Variants in ADD3 observed in about 807,000 individuals in gnomAD.
The protein encoded by ADD3 is gamma-adducin.
In ADD3, 25 loss-of-function variants were observed where a neutral mutation model predicts 80.2. The ratio of observed to expected loss-of-function variants is 0.31; its 90% CI spans 0.23 to 0.44. ADD3 has a LOEUF of 0.44. Ranked by LOEUF, ADD3 falls within the 20% of genes least tolerant of loss-of-function variation. The pLI, the probability that ADD3 is intolerant of heterozygous loss-of-function variation, is 1.00. For missense variants in ADD3, 829 were observed against 847.5 expected, an observed-to-expected ratio of 0.98 and a Z score of 0.27; for synonymous variants, 284 against 289.6, an observed-to-expected ratio of 0.98 and a Z score of 0.20.
chr10:110,106,375 C>T (rs538277759), intron 2 of ADD3, among the ~76,000 whole-genome samples: 1 of 151,354 alleles, frequency 6.6e-6, no homozygotes, highest in African/African-American at 2.4e-5. Context: ...AATTGGTTCT[C>T]TTTTCTGTGA....
chr10:110,068,292 C>T (rs1476491959), intron 1 of ADD3, among the ~76,000 whole-genome samples: 1 of 152,154 alleles, frequency 6.6e-6, no homozygotes, highest in African/African-American at 2.4e-5. Context: ...TCCACCTCCC[C>T]CCCTCCTTTC....
At chr10:110,058,476 G>T (rs1403949234) in intron 1 of ADD3, among the ~76,000 whole-genome samples, 1 of 152,122 alleles carries the variant, frequency 6.6e-6, no homozygotes, top group Non-Finnish European at 1.5e-5. Context: ...TCTGATTGAC[G>T]AGATGGTGAC....
rs149475070 is a variant in ADD3 at position 110,069,001 on chromosome 10, C to T, written c.-29-31624C>T. Among the ~76,000 whole-genome samples the T allele has an allele frequency of 1.1e-4, 16 of 151,804 alleles. No individual in the cohort carries two copies. The South Asian group carries it at 2.7e-3, about 26-fold the overall frequency. On this transcript the variant is annotated intron_variant, in intron 1 of 14. Transcript: ENST00000356080. ...CTGAGCTGGGAGGATTATTTGAGCC[C>T]GGGGAGGTTGTGGCTGCAGTGAGCC...
intron 1 of ADD3, among the ~76,000 whole-genome samples, chr10:110,097,464 A>G (rs1848304130): frequency 6.6e-6 from 1 of 152,088 alleles, no homozygotes; most frequent in Non-Finnish European, 1.5e-5. Context: ...TTGTTTTGAA[A>G]TTATTTCAGA....
chr10:110,059,641 C>T lies in ADD3; in HGVS notation c.-29-40984C>T, dbSNP rs147505533. Among the ~76,000 whole-genome samples the T allele has an allele frequency of 4.4e-3, 668 of 150,178 alleles. 4 individuals carry two copies. The highest frequency in any genetic ancestry group is 0.015 in the African/African-American group (609 of 40,722). ...AAAATTAGCCGGGCGTGGTGGCTTG[C>T]GCCTGTAGTCCCAGCTACTCGGGAG... On this transcript the variant is annotated intron_variant, in intron 1 of 14. Coordinates refer to ENST00000356080, the MANE Select transcript of ADD3 (RefSeq NM_016824.5).
chr10:109,997,344 G>A (rs1851400590), intron 1 of ADD3, among the ~76,000 whole-genome samples: 1 of 152,168 alleles, frequency 6.6e-6, no homozygotes, highest in African/African-American at 2.4e-5. Context: ...GGTAAAAAAA[G>A]GCTCCAAAGG....
At chr10:110,030,229 A>C (rs749496981) in intron 1 of ADD3, among the ~76,000 whole-genome samples, 1 of 151,022 alleles carries the variant, frequency 6.6e-6, no homozygotes, top group Non-Finnish European at 1.5e-5. Flanking sequence ...AGGCTGAGGC[A>C]GGAGAATCAC....
chr10:110,052,319 G>A (rs111538337), intron 1 of ADD3, among the ~76,000 whole-genome samples: 291 of 152,268 alleles, frequency 1.9e-3, no homozygotes, highest in African/African-American at 6.8e-3. Context: ...CCTGCCAGGG[G>A]TTCCCATTCC....
At chr10:110,072,575 C>T (rs961941094) in intron 1 of ADD3, among the ~76,000 whole-genome samples, 4 of 152,068 alleles carry the variant, frequency 2.6e-5, no homozygotes, top group African/African-American at 4.8e-5. Flanking sequence ...TTTACAAATC[C>T]GTCTTTGCAG....
intron 13 of ADD3, among the ~76,000 whole-genome samples, chr10:110,131,431 G>A (rs899196970): frequency 1.3e-5 from 2 of 152,122 alleles, no homozygotes; most frequent in African/African-American, 4.8e-5. Context: ...TCAGGGTCAG[G>A]AACAAGCCTG....
chr10:110,025,927 G>GA (rs768631440), intron 1 of ADD3, among the ~76,000 whole-genome samples: 1,696 of 149,150 alleles, frequency 0.011, 9 homozygotes, highest in Middle Eastern at 0.041. Flanking sequence ...CCTTAAAAAA[G>GA]AAAAAAAAAA....
At chr10:110,126,731 G>A (rs1490008497) in intron 12 of ADD3, among the ~76,000 whole-genome samples, 2 of 152,164 alleles carry the variant, frequency 1.3e-5, no homozygotes, top group African/African-American at 4.8e-5. Context: ...AGTTAGTTGA[G>A]ATGAGGTCTC....
At chr10:110,076,524 G>GT (rs1210966029) in intron 1 of ADD3, among the ~76,000 whole-genome samples, 1 of 152,066 alleles carries the variant, frequency 6.6e-6, no homozygotes, top group African/African-American at 2.4e-5. Flanking sequence ...ATAATAAAAC[G>GT]TTTTTATTGT....
rs1355975966 is a variant in ADD3, at chr10:110,112,804, A to G, written c.223A>G (p.Ile75Val). The G allele has an allele frequency of 1.2e-6, 2 of 1,614,050 alleles. No homozygotes were observed. Among genetic ancestry groups the G allele is most frequent in the East Asian group, 4.5e-5 (2 of 44,872 alleles). Residue 75 changes from isoleucine (I) to valine (V), a missense_variant, in exon 3 of 15, where the codon ATT becomes GTT. Ile to Val is a conservative substitution (Grantham distance 29, BLOSUM62 3). Coordinates refer to ENST00000356080, the MANE Select transcript of ADD3 (RefSeq NM_016824.5). ...PAFREDLECL[I>V]QEQMKKGHNP... is the part of the protein sequence containing the mutation. The stretch of plus-strand genomic sequence containing the variant: ...CTTTCGGGAAGACTTGGAATGCCTT[A>G]TTCAAGAACAGATGAAGAAAGGCCA...
At chr10:110,112,976 C>T (rs1473625152) in intron 3 of ADD3, 61 bp downstream of exon 3, 1 of 1,538,848 alleles carries the variant, frequency 6.5e-7, no homozygotes, top group African/African-American at 1.4e-5. Flanking sequence ...GACCACTATA[C>T]ATCTCTAGCA....
rs527994032 is a variant in ADD3 at position 110,043,611 on chromosome 10, T to G, written c.-30+35312T>G. 8.5e-5 allele frequency among the ~76,000 whole-genome samples: 13 copies of G among 152,342 alleles called. No individual in the cohort carries two copies. The South Asian group carries it at 2.5e-3, about 29-fold the overall frequency. Reference sequence around the variant, plus strand: ...TGCATAAGTTCTCCTAAGAGTAGATTGGGAAATTGTAAAAGCTATGTTAGT... The same window carrying G: ...TGCATAAGTTCTCCTAAGAGTAGATGGGGAAATTGTAAAAGCTATGTTAGT... On this transcript the variant is annotated intron_variant, in intron 1 of 14. Coordinates refer to ENST00000356080, the MANE Select transcript of ADD3 (RefSeq NM_016824.5).
upstream of ADD3, among the ~76,000 whole-genome samples, chr10:110,003,964 C>A (rs1446300294): frequency 6.6e-6 from 1 of 152,120 alleles, no homozygotes; most frequent in East Asian, 1.9e-4. Flanking sequence ...TTCATTAAAT[C>A]GTGTATTCAT....
chr10:110,006,001 TGCTGCCGCCGCCGCC>T, upstream of ADD3: 1 of 246,016 alleles, frequency 4.1e-6, no homozygotes. Context: ...CTGCTGCTGC[TGCTGCCGCCGCCGCC>T]GCTGCTGCTG....
chr10:110,020,327 C>T (rs558565101), intron 1 of ADD3, among the ~76,000 whole-genome samples: 3 of 152,098 alleles, frequency 2.0e-5, no homozygotes, highest in Admixed American at 6.5e-5. Context: ...GTATGTGTTA[C>T]GTTAGTGATA....
Sources: allele counts gnomAD v4.1 joint callset (sites outside exome capture counted in the v4.1 genomes callset), GRCh38; gene constraint gnomAD v4.1.1; transcripts MANE v1.5; gene names NCBI Gene and HGNC (gene_info 2026-07-23, HGNC 2026-07-21).